Variants in MAF observed in about 807,000 individuals in gnomAD.
The protein encoded by MAF is transcription factor Maf.
MAF carries 10 observed loss-of-function variants against 22.0 expected under a neutral mutation model. The ratio of observed to expected loss-of-function variants is 0.45; its 90% CI spans 0.28 to 0.77. MAF has a LOEUF of 0.77. MAF is among the 30% of genes least tolerant of loss of function. The probability of loss-of-function intolerance (pLI) is 0.12; values close to 1 mark genes in which losing one functional copy is unlikely to be tolerated. For synonymous variants in MAF, 337 were observed against 255.8 expected (o/e 1.32, Z -3.03); for missense variants, 544 against 548.4 (o/e 0.99, Z 0.08).
the MAF span, among the ~76,000 whole-genome samples, chr16:79,448,859 A>G: frequency 6.6e-6 from 1 of 152,096 alleles, no homozygotes; most frequent in South Asian, 2.1e-4. Flanking sequence ...TTCATGGAAG[A>G]TAATATTTTC....
the MAF span, among the ~76,000 whole-genome samples, chr16:79,464,675 T>C: frequency 6.6e-6 from 1 of 152,172 alleles, no homozygotes; most frequent in Non-Finnish European, 1.5e-5. Flanking sequence ...CTGAAAACCA[T>C]GACAACTGGT....
chr16:79,531,792 G>C, the MAF span, among the ~76,000 whole-genome samples: 1 of 152,120 alleles, frequency 6.6e-6, no homozygotes, highest in South Asian at 2.1e-4. Context: ...GTGTGACCTG[G>C]TTCCTAAGAG....
At chr16:79,273,074 A>G in the MAF span, among the ~76,000 whole-genome samples, 1 of 152,188 alleles carries the variant, frequency 6.6e-6, no homozygotes, top group Non-Finnish European at 1.5e-5. Context: ...AATTCACCAA[A>G]GTTGGAATTC....
the MAF span, among the ~76,000 whole-genome samples, chr16:79,334,821 C>T: frequency 6.6e-6 from 1 of 150,418 alleles, no homozygotes; most frequent in Non-Finnish European, 1.5e-5. Context: ...GCAAATTTGG[C>T]AGTTATACGT....
chr16:79,402,088 CTG>C, the MAF span, among the ~76,000 whole-genome samples: 286 of 152,282 alleles, frequency 1.9e-3, 1 homozygote, highest in African/African-American at 6.5e-3. Flanking sequence ...AATTCAGACT[CTG>C]TCATTCTCTA....
chr16:79,214,399 G>A, the MAF span, among the ~76,000 whole-genome samples: 9 of 152,106 alleles, frequency 5.9e-5, no homozygotes, highest in Non-Finnish European at 1.2e-4. Flanking sequence ...TTGTGACAAT[G>A]ATCCCGAGCC....
the MAF span, among the ~76,000 whole-genome samples, chr16:79,525,781 A>T: frequency 6.6e-6 from 1 of 152,146 alleles, no homozygotes; most frequent in African/African-American, 2.4e-5. Context: ...TTTCTCACAA[A>T]ATCATTATAT....
chr16:79,541,488 A>T, the MAF span, among the ~76,000 whole-genome samples: 18,997 of 151,458 alleles, frequency 0.13, 1,755 homozygotes, highest in African/African-American at 0.25. Flanking sequence ...AAAAAAAAAA[A>T]AAATAATAAA....
At chr16:79,211,575 A>G in the MAF span, 7 of 1,613,878 alleles carry the variant, frequency 4.3e-6, no homozygotes, top group South Asian at 3.3e-5. Flanking sequence ...CTTTTCTTAA[A>G]ATTTTTTTTT....
At chr16:79,529,686 C>T in the MAF span, among the ~76,000 whole-genome samples, 2 of 152,144 alleles carry the variant, frequency 1.3e-5, no homozygotes, top group African/African-American at 2.4e-5. Flanking sequence ...TTAGGCTGGG[C>T]GCGGTGGCTC....
chr16:79,469,503 G>A, the MAF span, among the ~76,000 whole-genome samples: 1 of 152,176 alleles, frequency 6.6e-6, no homozygotes, highest in Non-Finnish European at 1.5e-5. Flanking sequence ...TCATTGAACA[G>A]TATGAAGATG....
chr16:79,263,575 T>C, the MAF span, among the ~76,000 whole-genome samples: 1 of 152,236 alleles, frequency 6.6e-6, no homozygotes, highest in South Asian at 2.1e-4. Context: ...GGATTCTCTT[T>C]CCTCTTCTTC....
the MAF span, among the ~76,000 whole-genome samples, chr16:79,548,529 G>T: frequency 6.6e-6 from 1 of 152,208 alleles, no homozygotes; most frequent in East Asian, 1.9e-4. Flanking sequence ...AATTCTACAA[G>T]AAAGTGTTCT....
At chr16:79,418,974 G>T in the MAF span, among the ~76,000 whole-genome samples, 1 of 152,112 alleles carries the variant, frequency 6.6e-6, no homozygotes, top group Non-Finnish European at 1.5e-5. Context: ...GATTAAAATG[G>T]GCTACTCTGG....
the MAF span, chr16:79,212,190 C>G: frequency 6.8e-7 from 1 of 1,465,190 alleles, no homozygotes; most frequent in Non-Finnish European, 9.0e-7. Flanking sequence ...CGGGGGCTGG[C>G]CTTCTCCTAC....
the MAF span, among the ~76,000 whole-genome samples, chr16:79,453,471 ATT>A: frequency 2.6e-5 from 4 of 152,234 alleles, no homozygotes; most frequent in Non-Finnish European, 5.9e-5. Flanking sequence ...ATGTAGATAA[ATT>A]CCAAGCCATT....
chr16:79,598,427 G>A (rs1452425190), intron 1 of MAF: 11 of 765,896 alleles, frequency 1.4e-5, no homozygotes, highest in South Asian at 2.0e-5. Flanking sequence ...TGAACATTGT[G>A]CAAGTCCGGG....
chr16:79,383,123 T>A, the MAF span, among the ~76,000 whole-genome samples: 1 of 152,180 alleles, frequency 6.6e-6, no homozygotes, highest in Non-Finnish European at 1.5e-5. Flanking sequence ...CTGGAGAAAT[T>A]TGAACCATTG....
At chr16:79,349,511 C>A in the MAF span, among the ~76,000 whole-genome samples, 1 of 152,180 alleles carries the variant, frequency 6.6e-6, no homozygotes, top group Non-Finnish European at 1.5e-5. Context: ...ACCTTACAAC[C>A]CATTCGGGTT....
Sources: allele counts gnomAD v4.1 joint callset (sites outside exome capture counted in the v4.1 genomes callset), GRCh38; gene constraint gnomAD v4.1.1; transcripts MANE v1.5; gene names NCBI Gene and HGNC (gene_info 2026-07-23, HGNC 2026-07-21).